Variants in PPP2R5E observed in about 807,000 individuals in gnomAD.
PPP2R5E encodes serine/threonine-protein phosphatase 2A 56 kDa regulatory subunit epsilon isoform.
In PPP2R5E, 4 loss-of-function variants were observed where a neutral mutation model predicts 65.3. That is an observed-to-expected ratio of 0.06 (90% confidence interval 0.03 to 0.14). The LOEUF (loss-of-function observed/expected upper bound fraction) is 0.14. Among genes scored for constraint, PPP2R5E ranks in the 10% least tolerant of loss-of-function variants. PPP2R5E has a pLI of 1.00. For synonymous variants in PPP2R5E, 183 were observed against 187.4 expected (o/e 0.98, Z 0.19); for missense variants, 274 against 556.1 (o/e 0.49, Z 5.10).
At chr14:63,388,454 T>TA (rs148868973) in intron 11 of PPP2R5E, among the ~76,000 whole-genome samples, 3,498 of 152,180 alleles carry the variant, frequency 0.023, 143 homozygotes, top group African/African-American at 0.08. Context: ...TGCTCATTTT[T>TA]AAAAAAATAC....
At chr14:63,380,732 C>T (rs1450437420) in intron 13 of PPP2R5E, among the ~76,000 whole-genome samples, 1 of 151,996 alleles carries the variant, frequency 6.6e-6, no homozygotes, top group Non-Finnish European at 1.5e-5. Context: ...GATAATAATC[C>T]CAATATTCTG....
At chr14:63,382,551 G>A (rs1024436748) in intron 12 of PPP2R5E, among the ~76,000 whole-genome samples, 14 of 152,126 alleles carry the variant, frequency 9.2e-5, no homozygotes, top group Non-Finnish European at 1.5e-4. Context: ...ACAGAAGCGA[G>A]CCACCACACC....
At chr14:63,418,036 A>C (rs551155730) in intron 4 of PPP2R5E, among the ~76,000 whole-genome samples, 1 of 152,234 alleles carries the variant, frequency 6.6e-6, no homozygotes, top group East Asian at 1.9e-4. Context: ...CTTCCTTATA[A>C]AACTATGTTT....
chr14:63,478,688 C>G (rs1288591050), intron 2 of PPP2R5E, among the ~76,000 whole-genome samples: 1 of 152,066 alleles, frequency 6.6e-6, no homozygotes, highest in Admixed American at 6.5e-5. Flanking sequence ...CTTTGGGGAT[C>G]CCCAAAGCAT....
chr14:63,429,576 A>G (rs1280812667), intron 3 of PPP2R5E, among the ~76,000 whole-genome samples: 1 of 152,250 alleles, frequency 6.6e-6, no homozygotes, highest in East Asian at 1.9e-4. Flanking sequence ...ATTATGCATT[A>G]GAAAGAAACC....
intron 13 of PPP2R5E, among the ~76,000 whole-genome samples, chr14:63,379,178 G>A (rs1439654077): frequency 3.3e-5 from 5 of 151,956 alleles, no homozygotes; most frequent in South Asian, 2.1e-4. Context: ...ACAGGCACCC[G>A]CCACCACGCC....
At chr14:63,481,910 CAACA>C (rs1376492170) in intron 2 of PPP2R5E, among the ~76,000 whole-genome samples, 3 of 152,116 alleles carry the variant, frequency 2.0e-5, no homozygotes, top group Non-Finnish European at 2.9e-5. Flanking sequence ...AATACAACTT[CAACA>C]AACAGTTAAA....
chr14:63,379,515 G>A (rs745688286), intron 13 of PPP2R5E, among the ~76,000 whole-genome samples: 1 of 152,160 alleles, frequency 6.6e-6, no homozygotes, highest in Non-Finnish European at 1.5e-5. Flanking sequence ...CAGGTGATCC[G>A]CCTGCCTTGG....
intron 10 of PPP2R5E, among the ~76,000 whole-genome samples, chr14:63,391,105 C>G (rs775009578): frequency 7.2e-5 from 11 of 152,148 alleles, no homozygotes; most frequent in Non-Finnish European, 1.6e-4. Context: ...TGTACAGTGA[C>G]AGCAAAACCT....
chr14:63,444,769 TA>T (rs903401487), intron 3 of PPP2R5E, among the ~76,000 whole-genome samples: 1 of 151,996 alleles, frequency 6.6e-6, no homozygotes, highest in African/African-American at 2.4e-5. Flanking sequence ...ATAATGTGGT[TA>T]AAAAAAATAT....
intron 3 of PPP2R5E, among the ~76,000 whole-genome samples, chr14:63,438,598 G>A (rs571650988): frequency 4.6e-5 from 7 of 152,272 alleles, no homozygotes; most frequent in South Asian, 2.1e-4. Context: ...TCATTACAGT[G>A]AGATATTATT....
intron 5 of PPP2R5E, among the ~76,000 whole-genome samples, chr14:63,413,028 A>G (rs1886488277): frequency 6.6e-6 from 1 of 152,214 alleles, no homozygotes; most frequent in Non-Finnish European, 1.5e-5. Context: ...GAACTTCCTA[A>G]CAAAAATGGA....
chr14:63,406,171 G>T (rs867093937), intron 5 of PPP2R5E, among the ~76,000 whole-genome samples: 12 of 152,238 alleles, frequency 7.9e-5, no homozygotes, highest in Non-Finnish European at 1.2e-4. Flanking sequence ...CAGCACTTTG[G>T]GAGGCCGAGG....
intron 4 of PPP2R5E, among the ~76,000 whole-genome samples, chr14:63,417,962 A>T (rs1449857593): frequency 6.6e-6 from 1 of 152,202 alleles, no homozygotes; most frequent in African/African-American, 2.4e-5. Context: ...CACTGATTTA[A>T]ATGTTTCTTC....
At chr14:63,515,987 C>CTA (rs1441996509) in intron 2 of PPP2R5E, among the ~76,000 whole-genome samples, 7 of 149,724 alleles carry the variant, frequency 4.7e-5, no homozygotes, top group African/African-American at 1.5e-4. Flanking sequence ...GTAGCTGGGA[C>CTA]TATAAGCGCC....
intron 2 of PPP2R5E, among the ~76,000 whole-genome samples, chr14:63,487,144 T>C (rs1017306767): frequency 2.0e-5 from 3 of 152,160 alleles, no homozygotes; most frequent in Non-Finnish European, 2.9e-5. Flanking sequence ...ATTTCCTACC[T>C]TAGGAAGAAT....
chr14:63,374,161 T>TA lies in PPP2R5E; in HGVS notation c.*1847dup, dbSNP rs1883849027. 1 of 151,854 alleles carries TA rather than the reference T, an allele frequency of 6.6e-6. No homozygotes were observed. The highest frequency in any genetic ancestry group is 2.1e-4 in the South Asian group (1 of 4,812). The allele number at this position is 151,854 out of a possible 1,614,324, so 9.4% of individuals were successfully genotyped here. ...AAAGTTACCGAGATGACAATATCCA[T>TA]AATTAGCTGACTCTTACGTACACAC... On this transcript the variant is annotated 3_prime_UTR_variant, in exon 14 of 14. Coordinates refer to ENST00000337537, the MANE Select transcript of PPP2R5E (RefSeq NM_006246.5).
At chr14:63,421,754 A>T (rs1020581784) in intron 4 of PPP2R5E, among the ~76,000 whole-genome samples, 10 of 152,170 alleles carry the variant, frequency 6.6e-5, no homozygotes, top group African/African-American at 1.2e-4. Flanking sequence ...GAGAAATAAG[A>T]ACTGCTGGCT....
intron 12 of PPP2R5E, among the ~76,000 whole-genome samples, chr14:63,383,487 A>G (rs1313224295): frequency 2.6e-5 from 4 of 152,230 alleles, no homozygotes. Context: ...AGTTACAGAC[A>G]CTTGCTAGAA....
Sources: gnomAD v4.1 joint callset for allele counts (sites outside exome capture counted in the v4.1 genomes callset) on GRCh38, gnomAD v4.1.1 for gene constraint, MANE v1.5 for transcripts, NCBI Gene and HGNC (gene_info 2026-07-23, HGNC 2026-07-21) for gene names.